FRAS1: variants seen among roughly 807,000 people sequenced by gnomAD.
The protein encoded by FRAS1 is extracellular matrix organizing protein FRAS1.
FRAS1 carries 290 observed loss-of-function variants against 435.2 expected under a neutral mutation model. The ratio of observed to expected loss-of-function variants is 0.67; its 90% CI spans 0.61 to 0.73. FRAS1 has a LOEUF of 0.73. Among genes scored for constraint, FRAS1 ranks in the 30% least tolerant of loss-of-function variants. The probability of loss-of-function intolerance (pLI) is 0.00; values close to 1 mark genes in which losing one functional copy is unlikely to be tolerated. For synonymous variants in FRAS1, 1,800 were observed against 1,851.0 expected (o/e 0.97, Z 0.71); for missense variants, 4,860 against 5,001.5 (o/e 0.97, Z 0.85).
chr4:78,192,594 T>A (rs182303810), intron 2 of FRAS1, among the ~76,000 whole-genome samples: 18 of 152,338 alleles, frequency 1.2e-4, no homozygotes, highest in African/African-American at 4.3e-4. Context: ...TGGTAGTTTG[T>A]ATTTCTGTGG....
chr4:78,311,106 A>ATAAATCAAAG (rs1729001477), intron 15 of FRAS1, among the ~76,000 whole-genome samples: 2 of 151,574 alleles, frequency 1.3e-5, no homozygotes, highest in Non-Finnish European at 2.9e-5. Context: ...GCTGCAGCTA[A>ATAAATCAAAG]CATAATAAAT....
chr4:78,429,066 CTG>C (rs762215079), intron 35 of FRAS1, 27 bp from the exon 36 acceptor site: 31 of 1,195,210 alleles, frequency 2.6e-5, no homozygotes, highest in Non-Finnish European at 3.3e-5. Flanking sequence ...GTGTGTGTCT[CTG>C]TGTGTGTGTG....
chr4:78,297,288 C>T (rs1413734020), intron 14 of FRAS1, among the ~76,000 whole-genome samples: 2 of 152,088 alleles, frequency 1.3e-5, no homozygotes, highest in African/African-American at 2.4e-5. Flanking sequence ...ATCAATTGTG[C>T]TAATTCTCTG....
chr4:78,339,521 C>T (rs533389285), intron 20 of FRAS1, among the ~76,000 whole-genome samples: 46 of 152,072 alleles, frequency 3.0e-4, no homozygotes, highest in Non-Finnish European at 5.7e-4. Flanking sequence ...AGGCATTATG[C>T]GGGGGGGTGG....
At chr4:78,149,171 T>C (rs1720542559) in intron 2 of FRAS1, among the ~76,000 whole-genome samples, 1 of 152,188 alleles carries the variant, frequency 6.6e-6, no homozygotes, top group South Asian at 2.1e-4. Context: ...GCTGGGGCTG[T>C]ACCCACAGAG....
At chr4:78,392,080 C>T (rs1481225205) in intron 29 of FRAS1, among the ~76,000 whole-genome samples, 1 of 152,018 alleles carries the variant, frequency 6.6e-6, no homozygotes, top group Admixed American at 6.6e-5. Flanking sequence ...TGGTTGAAAT[C>T]TACATGGAGC....
intron 2 of FRAS1, among the ~76,000 whole-genome samples, chr4:78,230,060 C>A (rs1454114367): frequency 6.6e-6 from 1 of 152,216 alleles, no homozygotes; most frequent in Non-Finnish European, 1.5e-5. Context: ...TAGCAGCAAT[C>A]TTTTCATCTG....
intron 69 of FRAS1, among the ~76,000 whole-genome samples, chr4:78,524,316 G>A (rs10028215): frequency 0.38 from 57,958 of 152,008 alleles, 11,309 homozygotes; most frequent in South Asian, 0.54. Flanking sequence ...TAGATAAATG[G>A]CAAAATGAAG....
chr4:78,225,156 G>A (rs1291009597), intron 2 of FRAS1, among the ~76,000 whole-genome samples: 1 of 152,172 alleles, frequency 6.6e-6, no homozygotes, highest in African/African-American at 2.4e-5. Flanking sequence ...TGAGCATGGT[G>A]CTAAGGAATC....
intron 2 of FRAS1, among the ~76,000 whole-genome samples, chr4:78,226,881 G>C (rs1267994016): frequency 6.6e-6 from 1 of 151,676 alleles, no homozygotes; most frequent in Non-Finnish European, 1.5e-5. Flanking sequence ...TTATCCTTTT[G>C]GTTTTTTCTG....
intron 52 of FRAS1, among the ~76,000 whole-genome samples, chr4:78,472,952 T>C (rs1475348529): frequency 6.6e-6 from 1 of 152,186 alleles, no homozygotes; most frequent in African/African-American, 2.4e-5. Context: ...GTATGTTCTC[T>C]CCTCACACCT....
intron 1 of FRAS1, among the ~76,000 whole-genome samples, chr4:78,058,663 T>A (rs1240379580): frequency 6.6e-6 from 1 of 152,186 alleles, no homozygotes; most frequent in Admixed American, 6.5e-5. Context: ...CGAACCAGCC[T>A]GCTTCCCAGA....
intron 6 of FRAS1, among the ~76,000 whole-genome samples, chr4:78,261,442 A>C (rs149400583): frequency 2.0e-5 from 3 of 152,122 alleles, no homozygotes; most frequent in Non-Finnish European, 2.9e-5. Flanking sequence ...GCATCTTGGC[A>C]TATTGAATAT....
chr4:78,444,212 A>G (rs777049148), intron 41 of FRAS1: 21 of 450,958 alleles, frequency 4.7e-5, no homozygotes, highest in Non-Finnish European at 8.4e-5. Flanking sequence ...GTTTAGAGTG[A>G]TAAATTTAAG....
At chr4:78,286,256 C>T (rs73827929) in intron 13 of FRAS1, 149 bp from the exon 14 acceptor site, 5 of 843,094 alleles carry the variant, frequency 5.9e-6, no homozygotes, top group Non-Finnish European at 1.0e-5. Context: ...GTGTGCTATA[C>T]AGATGATGGC....
At chr4:78,319,011 AG>A in intron 18 of FRAS1, 25 bp downstream of exon 18, 4 of 1,611,468 alleles carry the variant, frequency 2.5e-6, no homozygotes, top group Non-Finnish European at 3.4e-6. Context: ...AGAAAGTGTT[AG>A]GTAGCCTCTG....
intron 2 of FRAS1, among the ~76,000 whole-genome samples, chr4:78,200,672 A>G (rs1469107910): frequency 6.6e-6 from 1 of 151,640 alleles, no homozygotes; most frequent in East Asian, 1.9e-4. Context: ...TTTTTTCCAG[A>G]CTAGTAGCTA....
intron 2 of FRAS1, among the ~76,000 whole-genome samples, chr4:78,130,673 C>G (rs1359083372): frequency 2.2e-4 from 34 of 152,134 alleles, no homozygotes; most frequent in Admixed American, 2.1e-3. Flanking sequence ...GATTTGGGGA[C>G]AGACTTGGCC....
In FRAS1 at chr4:78,353,957, C is replaced by A. The variant is rs1485122355; in HGVS notation, c.2423-9556C>A. On this transcript the variant is annotated intron_variant, in intron 20 of 73. Transcript: ENST00000512123. ...GGCACATGTATACATATGTAACTAA[C>A]CTGCACAATGTGCACATGTACCCTA... Among the ~76,000 whole-genome samples, 2 of 7,346 alleles carry A rather than the reference C, an allele frequency of 2.7e-4. 1 individual carries two copies. The highest frequency in any genetic ancestry group is 5.7e-4 in the Non-Finnish European group (2 of 3,508). 4.8% of individuals were successfully genotyped at this position (7,346 alleles called of 152,430 possible).
Sources: allele counts gnomAD v4.1 joint callset (sites outside exome capture counted in the v4.1 genomes callset), GRCh38; gene constraint gnomAD v4.1.1; transcripts MANE v1.5; gene names NCBI Gene and HGNC (gene_info 2026-07-23, HGNC 2026-07-21).